IL1R1: variants seen among roughly 807,000 people sequenced by gnomAD.
IL1R1 encodes interleukin-1 receptor type 1.
A neutral mutation model predicts 50.2 loss-of-function variants in IL1R1; 22 were observed. The observed-to-expected ratio is 0.44, with a 90% confidence interval of 0.31 to 0.63. The LOEUF (loss-of-function observed/expected upper bound fraction) is 0.63, where lower values mean the gene tolerates loss of function less well. IL1R1 is among the 20% of genes least tolerant of loss of function. The pLI is 0.07. For missense variants in IL1R1, 509 were observed against 676.2 expected (o/e 0.75, Z 2.74); for synonymous variants, 251 against 236.7 (o/e 1.06, Z -0.55).
rs5832998 is a variant in IL1R1 at position 102,152,987 on chromosome 2, CAA to C, written c.-83-944_-83-943del. ...CAAAGGCCCAAAGAAATGATTCAGA[CAA>C]AAAAAAAAATTAGACTCCAAAATAC... On this transcript the variant is annotated intron_variant, in intron 1 of 11. Coordinates refer to ENST00000410023, the MANE Select transcript of IL1R1 (RefSeq NM_000877.4). 1.4e-4 allele frequency among the ~76,000 whole-genome samples: 21 copies of C among 146,010 alleles called. No homozygotes were observed. In the South Asian group the frequency reaches 1.5e-3, roughly 11 times the overall value.
chr2:102,086,477 T>C, intron 1 of IL1R1, among the ~76,000 whole-genome samples: 1 of 152,216 alleles, frequency 6.6e-6, no homozygotes, highest in East Asian at 1.9e-4. Context: ...TTAATATTTT[T>C]CACTGTTTGA....
Position 102,164,996 on chromosome 2 carries a change from A to G in IL1R1, c.284A>G (p.Tyr95Cys), listed in dbSNP as rs746483365. Residue 95 changes from tyrosine to cysteine, a missense_variant, in exon 4 of 12, where the codon TAT becomes TGT. Transcript: ENST00000410023. ...AAGGTGGAGGATTCAGGACATTACTATTGCGTGGTAAGGTAAGAGAGGAAT... is the reference window on the plus strand; with the variant it reads ...AAGGTGGAGGATTCAGGACATTACTGTTGCGTGGTAAGGTAAGAGAGGAAT... Reference protein sequence around the residue: ...PAKVEDSGHYYCVVRNSSYCL... With the variant: ...PAKVEDSGHYCCVVRNSSYCL... 1 of 1,613,030 alleles carries G rather than the reference A, an allele frequency of 6.2e-7. No homozygotes were observed. Among genetic ancestry groups the G allele is most frequent in the South Asian group, 1.1e-5 (1 of 90,780 alleles).
At position 102,174,723 on chromosome 2, in the gene IL1R1, A is replaced by T; in HGVS notation, c.1128A>T (p.Pro376=). 1.2e-6 allele frequency: 2 copies of T among 1,606,612 alleles called. No homozygotes were observed. Among genetic ancestry groups the T allele is most frequent in the Non-Finnish European group, 1.7e-6 (2 of 1,177,662 alleles). Residue 376 remains proline (P), a synonymous_variant, in exon 10 of 12, where the codon CCA becomes CCT. Transcript: ENST00000410023. The part of the protein sequence containing the change: ...WYRDSCYDFL[P]IKASDGKTYD... ...GGGATTCCTGCTATGATTTTCTCCC[A>T]ATAAAAGGTATAATTTTGTATTCCA... is the stretch of plus-strand genomic sequence containing the variant.
intron 1 of IL1R1, among the ~76,000 whole-genome samples, chr2:102,124,569 T>C (rs868628700): frequency 6.6e-6 from 1 of 152,132 alleles, no homozygotes; most frequent in African/African-American, 2.4e-5. Context: ...GCATCTGACA[T>C]GGTGGCAGGC....
Position 102,165,764 on chromosome 2 carries a change from A to G in IL1R1, c.487-349A>G, listed in dbSNP as rs3917339. Among the ~76,000 whole-genome samples the G allele has an allele frequency of 8.6e-3, 1,306 of 152,310 alleles. 4 individuals carry two copies. The highest frequency in any genetic ancestry group is 0.017 in the Middle Eastern group (5 of 294). On this transcript the variant is annotated intron_variant, in intron 5 of 11. Coordinates refer to ENST00000410023, the MANE Select transcript of IL1R1 (RefSeq NM_000877.4). ...TAGTCTGATGGAACTTAAATGGGGA[A>G]TCATCTTGTAGAGCTTAAGACGTAC... is the stretch of plus-strand genomic sequence containing the variant.
intron 1 of IL1R1, among the ~76,000 whole-genome samples, chr2:102,152,632 C>A (rs986504324): frequency 6.7e-6 from 1 of 149,434 alleles, no homozygotes; most frequent in Non-Finnish European, 1.5e-5. Flanking sequence ...CTCTCCCATT[C>A]CATACATTTT....
chr2:102,152,708 T>C (rs1248391210), intron 1 of IL1R1, among the ~76,000 whole-genome samples: 1 of 151,714 alleles, frequency 6.6e-6, no homozygotes, highest in Non-Finnish European at 1.5e-5. Flanking sequence ...CAGGGGTCAG[T>C]CAGGAGGGCA....
intron 1 of IL1R1, among the ~76,000 whole-genome samples, chr2:102,123,395 G>GT (rs1330501954): frequency 6.6e-6 from 1 of 152,202 alleles, no homozygotes; most frequent in African/African-American, 2.4e-5. Flanking sequence ...ACAAATTAGA[G>GT]TAAATCAAAG....
Position 102,124,515 on chromosome 2 carries a change from G to A in IL1R1, c.-84+19643G>A, listed in dbSNP as rs1577901960. Among the ~76,000 whole-genome samples, 3 of 152,218 alleles carry A rather than the reference G, an allele frequency of 2.0e-5. No individual in the cohort carries two copies. The South Asian group carries it at 6.2e-4, about 32-fold the overall frequency. ...TGGCTCACAATTCCACATGGCTGGG[G>A]AAGCCTCGGGAAACTTATAATCATT... On this transcript the variant is annotated intron_variant, in intron 1 of 10. Transcript: ENST00000409329.
chr2:102,134,357 C>T (rs1682217605), intron 1 of IL1R1, among the ~76,000 whole-genome samples: 1 of 151,848 alleles, frequency 6.6e-6, no homozygotes, highest in Non-Finnish European at 1.5e-5. Context: ...CAGATACCTG[C>T]ATCACTACTT....
chr2:102,147,021 A>C (rs1683189252), intron 1 of IL1R1, among the ~76,000 whole-genome samples: 1 of 152,202 alleles, frequency 6.6e-6, no homozygotes, highest in Non-Finnish European at 1.5e-5. Flanking sequence ...AGGGCACCGG[A>C]CATGTCTAAG....
chr2:102,120,279 T>G (rs896837972), intron 1 of IL1R1, among the ~76,000 whole-genome samples: 2 of 152,126 alleles, frequency 1.3e-5, no homozygotes, highest in Admixed American at 6.5e-5. Context: ...TGAGTCAGTG[T>G]GTATCATATG....
At chr2:102,131,654 A>C (rs1443206428) in intron 1 of IL1R1, among the ~76,000 whole-genome samples, 1 of 151,938 alleles carries the variant, frequency 6.6e-6, no homozygotes, top group Non-Finnish European at 1.5e-5. Flanking sequence ...CTATAAAAAA[A>C]AACCACAGAG....
upstream of IL1R1, among the ~76,000 whole-genome samples, chr2:102,101,321 G>T (rs1299482703): frequency 6.6e-6 from 1 of 152,218 alleles, no homozygotes; most frequent in Non-Finnish European, 1.5e-5. Flanking sequence ...CATAGATGAA[G>T]TTGAAGCTTA....
intron 6 of IL1R1, among the ~76,000 whole-genome samples, chr2:102,167,780 C>T (rs1364752814): frequency 6.6e-6 from 1 of 152,010 alleles, no homozygotes; most frequent in Non-Finnish European, 1.5e-5. Flanking sequence ...TCTCTGTTTC[C>T]TTTTCTGATC....
chr2:102,164,258 G>C (rs1014718990), intron 3 of IL1R1, among the ~76,000 whole-genome samples: 4 of 152,192 alleles, frequency 2.6e-5, no homozygotes, highest in African/African-American at 9.6e-5. Context: ...CAGGTTCTCA[G>C]CTCCATCTCC....
chr2:102,093,938 G>A lies in IL1R1; in HGVS notation c.-84+23405G>A, dbSNP rs532212676. 4.6e-4 allele frequency among the ~76,000 whole-genome samples: 70 copies of A among 152,294 alleles called. 3 individuals are homozygous for A. Among genetic ancestry groups the A allele is most frequent in the East Asian group, 1.4e-3 (7 of 5,172 alleles). On this transcript the variant is annotated intron_variant, in intron 1 of 11. Transcript: ENST00000409929. ...AGCAGTGTGGGGTCCAGCCACGCCC[G>A]GTTCCAGAACCTGCCTCCGTCCTGA...
chr2:102,075,752 G>T (rs1226734343), intron 1 of IL1R1, among the ~76,000 whole-genome samples: 1 of 152,198 alleles, frequency 6.6e-6, no homozygotes, highest in Non-Finnish European at 1.5e-5. Context: ...TATCTTGGCA[G>T]ATAAGAACGA....
chr2:102,160,456 A>G (rs942236802), intron 3 of IL1R1, among the ~76,000 whole-genome samples: 2 of 151,960 alleles, frequency 1.3e-5, no homozygotes, highest in African/African-American at 4.8e-5. Context: ...TCTGTATCTT[A>G]CCATATTTTG....
Sources: allele counts gnomAD v4.1 joint callset (sites outside exome capture counted in the v4.1 genomes callset), GRCh38; gene constraint gnomAD v4.1.1; transcripts MANE v1.5; gene names NCBI Gene and HGNC (gene_info 2026-07-23, HGNC 2026-07-21).